Variants in WWC2 observed in about 807,000 individuals in gnomAD.
The protein encoded by WWC2 is protein WWC2.
WWC2 carries 101 observed loss-of-function variants against 138.5 expected under a neutral mutation model. That is an observed-to-expected ratio of 0.73 (90% CI 0.62 to 0.86). The LOEUF (loss-of-function observed/expected upper bound fraction) is 0.86. Ranked by LOEUF, WWC2 falls within the 40% of genes least tolerant of loss-of-function variation. The pLI is 0.00. For synonymous variants in WWC2, 558 were observed against 538.4 expected (o/e 1.04, Z -0.50); for missense variants, 1,420 against 1,419.4 (o/e 1.00, Z -0.01).
At chr4:183,210,150 TA>T (rs1735556106) in intron 4 of WWC2, among the ~76,000 whole-genome samples, 2 of 152,320 alleles carry the variant, frequency 1.3e-5, no homozygotes, top group African/African-American at 4.8e-5. Flanking sequence ...TTCTGATTAT[TA>T]AAAATTATGC....
At chr4:183,111,156 C>T (rs995275072) in intron 1 of WWC2, among the ~76,000 whole-genome samples, 19 of 152,074 alleles carry the variant, frequency 1.2e-4, no homozygotes, top group African/African-American at 3.1e-4. Flanking sequence ...AGGAGAATGG[C>T]GTGAATCCAG....
At chr4:183,149,336 T>A (rs1390550695) in intron 1 of WWC2, among the ~76,000 whole-genome samples, 1 of 152,010 alleles carries the variant, frequency 6.6e-6, no homozygotes, top group African/African-American at 2.4e-5. Context: ...GAAAAACAAA[T>A]CTTTGGCCGG....
At chr4:183,186,741 A>G (rs907814489) in intron 1 of WWC2, among the ~76,000 whole-genome samples, 18 of 152,054 alleles carry the variant, frequency 1.2e-4, no homozygotes, top group African/African-American at 4.1e-4. Flanking sequence ...CTCAGGGAGC[A>G]GACCTGGGAG....
At position 183,164,035 on chromosome 4, in the gene WWC2, G is replaced by C. The variant is rs190304534; in HGVS notation, c.132-29564G>C. ...TCAATTTAACAAAATGGTACTATTAGAGTTTTTGAGGATAATGAGAAAATG... is the reference window on the plus strand; with the variant it reads ...TCAATTTAACAAAATGGTACTATTACAGTTTTTGAGGATAATGAGAAAATG... On this transcript the variant is annotated intron_variant, in intron 1 of 22. Transcript: ENST00000403733. Among the ~76,000 whole-genome samples the C allele has an allele frequency of 6.6e-5, 10 of 151,862 alleles. No individual in the cohort carries two copies. The East Asian group carries it at 1.9e-3, about 29-fold the overall frequency.
At chr4:183,118,173 G>A (rs139988866) in intron 1 of WWC2, among the ~76,000 whole-genome samples, 54 of 152,280 alleles carry the variant, frequency 3.5e-4, no homozygotes, top group African/African-American at 1.3e-3. Flanking sequence ...TCTTTCAGTC[G>A]ATTGCCACGT....
At chr4:183,166,755 T>A (rs1188514060) in intron 1 of WWC2, among the ~76,000 whole-genome samples, 1 of 152,180 alleles carries the variant, frequency 6.6e-6, no homozygotes, top group Non-Finnish European at 1.5e-5. Flanking sequence ...CTAGAATATA[T>A]AACTAGAAGG....
Position 183,284,285 on chromosome 4 carries a change from A to G in WWC2, c.2943A>G (p.Lys981=), listed in dbSNP as rs141326316. 3.1e-4 allele frequency: 495 copies of G among 1,613,912 alleles called. No individual in the cohort carries two copies. Among genetic ancestry groups the G allele is most frequent in the Non-Finnish European group, 4.0e-4 (477 of 1,179,900 alleles). The change falls in exon 19 of 23, where the codon AAA becomes AAG. Residue 981 remains lysine (K), a synonymous_variant. Transcript: ENST00000403733. ...ATGACAATATGGCAGTTCGCCCCAA[A>G]GAGCGCAGCAGCCTGAGCTCTAGAC... is the stretch of plus-strand genomic sequence containing the variant. ...AANDNMAVRP[K]ERSSLSSRQH...
intron 1 of WWC2, among the ~76,000 whole-genome samples, chr4:183,159,359 C>T (rs1733893392): frequency 6.6e-6 from 1 of 152,132 alleles, no homozygotes; most frequent in Admixed American, 6.5e-5. Context: ...CTTTGCACAG[C>T]TGCCATTACT....
chr4:183,106,354 G>T (rs1743360317), intron 1 of WWC2, among the ~76,000 whole-genome samples: 1 of 152,024 alleles, frequency 6.6e-6, no homozygotes, highest in Non-Finnish European at 1.5e-5. Flanking sequence ...CAAAATATAG[G>T]TTCACAATGT....
intron 14 of WWC2, among the ~76,000 whole-genome samples, chr4:183,266,757 A>G (rs1737517823): frequency 6.6e-6 from 1 of 152,234 alleles, no homozygotes; most frequent in Non-Finnish European, 1.5e-5. Flanking sequence ...ATGCAGTGCA[A>G]GGCTTTGGAA....
intron 16 of WWC2, among the ~76,000 whole-genome samples, chr4:183,274,985 G>C (rs1024056112): frequency 6.6e-6 from 1 of 152,090 alleles, no homozygotes; most frequent in Non-Finnish European, 1.5e-5. Context: ...GTTAATTACA[G>C]TCACCTTACT....
intron 1 of WWC2, among the ~76,000 whole-genome samples, chr4:183,103,872 G>T: frequency 6.6e-6 from 1 of 151,644 alleles, no homozygotes; most frequent in Non-Finnish European, 1.5e-5. Flanking sequence ...CTGACCTTGT[G>T]ATGCGCCCAC....
intron 16 of WWC2, among the ~76,000 whole-genome samples, chr4:183,271,878 C>T (rs1046624818): frequency 2.0e-5 from 3 of 152,054 alleles, no homozygotes; most frequent in South Asian, 2.1e-4. Context: ...CAGTGGTGCA[C>T]GCCTGAAGTC....
chr4:183,151,013 CTT>C, intron 1 of WWC2, among the ~76,000 whole-genome samples: 1 of 152,184 alleles, frequency 6.6e-6, no homozygotes, highest in African/African-American at 2.4e-5. Flanking sequence ...GTGCATGTGT[CTT>C]TATATTAGCA....
At chr4:183,264,849 T>C in intron 11 of WWC2, 129 bp from the exon 12 acceptor site, 1 of 1,020,904 alleles carries the variant, frequency 9.8e-7, no homozygotes, top group Non-Finnish European at 1.3e-6. Context: ...TAGATTTGAA[T>C]ATTAACATCC....
intron 1 of WWC2, among the ~76,000 whole-genome samples, chr4:183,161,615 A>G (rs1024291795): frequency 1.3e-5 from 2 of 152,246 alleles, no homozygotes; most frequent in Non-Finnish European, 2.9e-5. Context: ...CAGTGGTCCC[A>G]TAATATTAAA....
intron 1 of WWC2, among the ~76,000 whole-genome samples, chr4:183,187,552 C>T (rs866715417): frequency 8.0e-5 from 1 of 12,544 alleles, no homozygotes; most frequent in Non-Finnish European, 1.7e-4. Context: ...GACTCCGTCT[C>T]AAAATAATAA....
At chr4:183,188,681 T>G (rs1580033947) in intron 1 of WWC2, among the ~76,000 whole-genome samples, 1 of 145,822 alleles carries the variant, frequency 6.9e-6, no homozygotes, top group Middle Eastern at 3.8e-3. Context: ...GTCTCGCTCT[T>G]GTCCCCAGGC....
intron 1 of WWC2, among the ~76,000 whole-genome samples, chr4:183,099,823 T>G (rs886347589): frequency 1.4e-5 from 2 of 147,506 alleles, no homozygotes; most frequent in African/African-American, 5.0e-5. Flanking sequence ...CCGACGCCCC[T>G]CCGGGGACCC....
Sources: gnomAD v4.1 joint callset for allele counts (sites outside exome capture counted in the v4.1 genomes callset) on GRCh38, gnomAD v4.1.1 for gene constraint, MANE v1.5 for transcripts, NCBI Gene and HGNC (gene_info 2026-07-23, HGNC 2026-07-21) for gene names.